Variants in DNMBP observed in about 807,000 individuals in gnomAD.
The protein encoded by DNMBP is dynamin binding protein, also known as dynamin-binding protein.
DNMBP carries 87 observed loss-of-function variants against 150.0 expected under a neutral mutation model. The ratio of observed to expected loss-of-function variants is 0.58; its 90% confidence interval spans 0.49 to 0.69. The LOEUF (loss-of-function observed/expected upper bound fraction) is 0.69, where lower values mean the gene tolerates loss of function less well. DNMBP is among the 30% of genes least tolerant of loss of function. The pLI, the probability that DNMBP is intolerant of heterozygous loss-of-function variation, is 0.00. For synonymous variants in DNMBP, 711 were observed against 750.4 expected (o/e 0.95, Z 0.86); for missense variants, 1,774 against 1,949.0 (o/e 0.91, Z 1.69).
In DNMBP at chr10:99,875,804, A is replaced by C. The variant is rs1362401807; in HGVS notation, c.*1347T>G. ...CTATTTCTTCCCTTTCTTTTAAAAG[A>C]CAAATTTCATGGTTTCCCATTCCAA... On this transcript the variant is annotated 3_prime_UTR_variant, in exon 17 of 17. Coordinates refer to ENST00000324109, the MANE Select transcript of DNMBP (RefSeq NM_015221.4). The C allele has an allele frequency of 6.6e-6, 1 of 152,194 alleles. No individual in the cohort carries two copies. The highest frequency in any genetic ancestry group is 1.5e-5 in the Non-Finnish European group (1 of 68,040). The allele number at this position is 152,194 out of a possible 1,614,324, so 9.4% of individuals were successfully genotyped here.
intron 4 of DNMBP, among the ~76,000 whole-genome samples, chr10:99,941,144 C>T (rs888251980): frequency 9.9e-5 from 15 of 152,154 alleles, no homozygotes; most frequent in African/African-American, 3.6e-4. Context: ...CTCGGCTTCC[C>T]AAAGTGCTGG....
In DNMBP at chr10:99,886,199, T is replaced by A. The variant is rs367647533; in HGVS notation, c.3618+101A>T. 1.5e-5 allele frequency: 15 copies of A among 977,814 alleles called. No individual in the cohort carries two copies. In the East Asian group the frequency reaches 3.7e-4, roughly 24 times the overall value. 60.6% of individuals were successfully genotyped at this position (977,814 alleles called of 1,614,324 possible). A position where few individuals can be genotyped will look rare whatever the true frequency, so the allele number is the denominator to read the frequency against. ...ATGAACTAGCGACACATTCAGTTTA[T>A]CTAATTCAGATAATTTTTCAAACCA... On this transcript the variant is annotated intron_variant, in intron 13 of 16. Coordinates refer to ENST00000324109, the MANE Select transcript of DNMBP (RefSeq NM_015221.4).
intron 1 of DNMBP, among the ~76,000 whole-genome samples, chr10:99,998,718 A>G (rs1363755671): frequency 1.3e-5 from 2 of 152,166 alleles, no homozygotes; most frequent in Non-Finnish European, 2.9e-5. Flanking sequence ...ACTGTTGATT[A>G]TATTAAGGAA....
At chr10:99,885,002 T>C (rs2039435343) in intron 14 of DNMBP, among the ~76,000 whole-genome samples, 1 of 152,200 alleles carries the variant, frequency 6.6e-6, no homozygotes, top group Non-Finnish European at 1.5e-5. Flanking sequence ...AGCAGTCCTC[T>C]AGCTGGTGTG....
rs907036588 is a variant in DNMBP, at chr10:99,955,668, C to T, written c.1806G>A (p.Pro602=). Residue 602 remains proline (P), a synonymous_variant, in exon 4 of 17, where the codon CCG becomes CCA. Coordinates refer to ENST00000324109, the MANE Select transcript of DNMBP (RefSeq NM_015221.4). ...SSKLITEQEL[P]ERRKALRPPP... is the part of the protein sequence containing the mutation. The stretch of plus-strand genomic sequence containing the variant: ...GTGGCCTTAGGGCCTTTCTCCTTTC[C>T]GGCAGCTCCTGCTCGGTGATTAACT... The T allele has an allele frequency of 1.1e-5, 18 of 1,614,068 alleles. No individual in the cohort carries two copies. The highest frequency in any genetic ancestry group is 2.7e-5 in the African/African-American group (2 of 74,940).
intron 3 of DNMBP, among the ~76,000 whole-genome samples, chr10:99,964,135 CTTTT>C (rs895801002): frequency 1.5e-4 from 13 of 87,226 alleles, no homozygotes; most frequent in African/African-American, 4.9e-4. Flanking sequence ...TATTCTCTCT[CTTTT>C]TTTTTTTTTT....
chr10:99,880,087 C>A lies in DNMBP; in HGVS notation c.4272G>T (p.Pro1424=). 6 of 1,614,152 alleles carry A rather than the reference C, an allele frequency of 3.7e-6. No homozygotes were observed. Among genetic ancestry groups the A allele is most frequent in the Non-Finnish European group, 5.1e-6 (6 of 1,180,016 alleles). ...TGGAAGGACTACTCTCTGAATTACT[C>A]GGATTTAGGGATGCACTGAGAGTTC... ...DQGTLSASLN[P]SNSESSPSRC... is the part of the protein sequence containing the mutation. The change falls in exon 16 of 17, where the codon CCG becomes CCT. Residue 1424 remains proline, a synonymous_variant. Coordinates refer to ENST00000324109, the MANE Select transcript of DNMBP (RefSeq NM_015221.4).
chr10:99,880,412 C>T (rs1456180784), intron 15 of DNMBP, 51 bp from the exon 16 acceptor site: 1 of 1,483,032 alleles, frequency 6.7e-7, no homozygotes, highest in Non-Finnish European at 8.9e-7. Flanking sequence ...GAAGGCTGGA[C>T]AGACAGAGGG....
Position 99,895,047 on chromosome 10 carries a change from T to C in DNMBP, c.3055A>G (p.Lys1019Glu), listed in dbSNP as rs1199786856. ...KHLTGFAPQI[K>E]DEVFEETEKN... Reference sequence around the variant, plus strand: ...TCTGTTTCTTCAAATACTTCATCTTTTATCTGTTCAAAAATAAACAAGTGC... The same window carrying C: ...TCTGTTTCTTCAAATACTTCATCTTCTATCTGTTCAAAAATAAACAAGTGC... Residue 1019 changes from lysine (K) to glutamate (E), a missense_variant, in exon 11 of 17, where the codon AAA becomes GAA. Coordinates refer to ENST00000324109, the MANE Select transcript of DNMBP (RefSeq NM_015221.4). 1 of 1,594,106 alleles carries C rather than the reference T, an allele frequency of 6.3e-7. No individual in the cohort carries two copies. Among genetic ancestry groups the C allele is most frequent in the Non-Finnish European group, 8.6e-7 (1 of 1,163,678 alleles).
rs1396854120 is a variant in DNMBP, at chr10:100,009,944, G to T, written c.-117C>A. ...TGGAAGCGGCGGGCGGGTCGATCCC[G>T]TGTGAGTCAGCGCGCCGCCCCGCCT... is the stretch of plus-strand genomic sequence containing the variant. On this transcript the variant is annotated 5_prime_UTR_variant, in exon 1 of 17. Transcript: ENST00000324109. 2 of 148,110 alleles carry T rather than the reference G, an allele frequency of 1.4e-5. No homozygotes were observed. The highest frequency in any genetic ancestry group is 3.0e-5 in the Non-Finnish European group (2 of 66,402). The allele number at this position is 148,110 out of a possible 1,614,324, so 9.2% of individuals were successfully genotyped here.
chr10:99,984,474 G>C (rs867349853), intron 1 of DNMBP, among the ~76,000 whole-genome samples: 2 of 152,242 alleles, frequency 1.3e-5, no homozygotes, highest in Non-Finnish European at 2.9e-5. Context: ...TGCAGATTAA[G>C]TGAAACTATA....
chr10:99,880,107 G>C lies in DNMBP; in HGVS notation c.4252C>G (p.Leu1418Val). Residue 1418 changes from leucine to valine, a missense_variant, in exon 16 of 17, where the codon CTC (leucine) becomes GTC (valine). Leu to Val is a conservative substitution (Grantham distance 32). This residue lies in a region of DNMBP where 1,430 missense variants were observed against 1,492.5 expected (regional missense o/e 0.96). Coordinates refer to ENST00000324109, the MANE Select transcript of DNMBP (RefSeq NM_015221.4). ...TTACTCGGATTTAGGGATGCACTGA[G>C]AGTTCCTTGGTCACATTCTTTTGGC... ...PPPKECDQGT[L>V]SASLNPSNSE... is the part of the protein sequence containing the mutation. 2 of 1,614,216 alleles carry C rather than the reference G, an allele frequency of 1.2e-6. No homozygotes were observed. Among genetic ancestry groups the C allele is most frequent in the Non-Finnish European group, 1.7e-6 (2 of 1,180,036 alleles).
intron 12 of DNMBP, among the ~76,000 whole-genome samples, chr10:99,888,118 C>T (rs572074759): frequency 2.0e-5 from 3 of 152,058 alleles, no homozygotes; most frequent in South Asian, 2.1e-4. Flanking sequence ...CCACCATGCC[C>T]GGACTTAAAG....
intron 4 of DNMBP, among the ~76,000 whole-genome samples, chr10:99,952,380 C>T (rs1048928974): frequency 9.9e-5 from 15 of 152,228 alleles, no homozygotes; most frequent in Non-Finnish European, 4.4e-5. Flanking sequence ...GAATGTAACA[C>T]TCAGCCAAGG....
intron 1 of DNMBP, among the ~76,000 whole-genome samples, chr10:99,989,404 T>A (rs946774944): frequency 2.0e-5 from 3 of 152,078 alleles, no homozygotes; most frequent in Non-Finnish European, 4.4e-5. Flanking sequence ...GGCCCCAGAA[T>A]GAAGACAAGA....
chr10:99,977,157 G>C (rs565812013), intron 1 of DNMBP, among the ~76,000 whole-genome samples: 17 of 152,254 alleles, frequency 1.1e-4, no homozygotes, highest in African/African-American at 3.8e-4. Context: ...ATTGGAATGA[G>C]TGCATAATCA....
At chr10:99,950,386 C>T (rs1035685190) in intron 4 of DNMBP, among the ~76,000 whole-genome samples, 2 of 152,152 alleles carry the variant, frequency 1.3e-5, no homozygotes, top group African/African-American at 4.8e-5. Flanking sequence ...AAGCGGGGCA[C>T]TGCTTAAAAG....
At position 99,886,412 on chromosome 10, in the gene DNMBP, G is replaced by A; in HGVS notation, c.3506C>T (p.Pro1169Leu). The A allele has an allele frequency of 6.2e-7, 1 of 1,614,112 alleles. No homozygotes were observed. Among genetic ancestry groups the A allele is most frequent in the Non-Finnish European group, 8.5e-7 (1 of 1,180,004 alleles). ...GCCCTGGGCGTACTGGTGGAACTTG[G>A]GCAGCTCATCCAGCAGCTGTGCATT... ...ALNAQLLDEL[P>L]KFHQYAQGLF... Residue 1169 changes from proline (P) to leucine (L), a missense_variant, in exon 13 of 17, where the codon CCC (proline) becomes CTC (leucine). Coordinates refer to ENST00000324109, the MANE Select transcript of DNMBP (RefSeq NM_015221.4).
At chr10:99,883,141 G>A (rs2039395962) in intron 15 of DNMBP, among the ~76,000 whole-genome samples, 1 of 76,498 alleles carries the variant, frequency 1.3e-5, no homozygotes, top group South Asian at 4.1e-4. Context: ...CTTCATTCAG[G>A]TTTTGGCAAA....
Sources: gnomAD v4.1 joint callset for allele counts (sites outside exome capture counted in the v4.1 genomes callset) on GRCh38, gnomAD v4.1.1 for gene constraint, gnomAD v4.1.1 regional missense constraint, MANE v1.5 for transcripts, NCBI Gene and HGNC (gene_info 2026-07-23, HGNC 2026-07-21) for gene names.